The following ADCYAP1 variants were observed in gnomAD, a reference collection of about 807,000 sequenced individuals.
ADCYAP1 encodes the protein adenylate cyclase activating polypeptide 1.
Under a neutral mutation model 18.5 loss-of-function variants are expected in ADCYAP1, and 6 were observed. That is an observed-to-expected ratio of 0.32 (90% CI 0.18 to 0.64). The LOEUF (loss-of-function observed/expected upper bound fraction) is 0.64, where lower values mean the gene tolerates loss of function less well. Among genes scored for constraint, ADCYAP1 ranks in the 30% least tolerant of loss-of-function variants. ADCYAP1 has a pLI of 0.77. For synonymous variants in ADCYAP1, 136 were observed against 113.9 expected, an observed-to-expected ratio of 1.19 and a Z score of -1.24; for missense variants, 314 against 253.6, an observed-to-expected ratio of 1.24 and a Z score of -1.62.
At chr18:905,096 C>T (rs965100763) in intron 1 of ADCYAP1, 36 bp downstream of exon 1, 1 of 1,330,892 alleles carries the variant, frequency 7.5e-7, no homozygotes, top group Non-Finnish European at 9.7e-7. Context: ...GCGACCGGCT[C>T]ACTCGACTGC....
rs933488080 is a variant in ADCYAP1 at position 904,903 on chromosome 18, C to G, written c.-159C>G. On this transcript the variant is annotated 5_prime_UTR_variant, in exon 1 of 5. Coordinates refer to ENST00000450565, the MANE Select transcript of ADCYAP1 (RefSeq NM_001099733.2). ...GAGCCTCGGCAAACGAGTCCCGCAG[C>G]TCCTCCTGCTGCTCCCGCTGGTTCC... is the stretch of plus-strand genomic sequence containing the variant. The G allele has an allele frequency of 1.9e-5, 25 of 1,289,290 alleles. No individual in the cohort carries two copies. Among genetic ancestry groups the G allele is most frequent in the Admixed American group, 1.8e-4 (8 of 43,580 alleles). 79.9% of individuals were successfully genotyped at this position (1,289,290 alleles called of 1,614,324 possible).
At chr18:905,175 G>T in intron 1 of ADCYAP1, 115 bp downstream of exon 1, 1 of 1,411,458 alleles carries the variant, frequency 7.1e-7, no homozygotes, top group Non-Finnish European at 9.2e-7. Flanking sequence ...TAGTTATTGG[G>T]CGCCGGGTAG....
intron 4 of ADCYAP1, 130 bp from the exon 5 acceptor site, chr18:909,316 C>T (rs2143125329): frequency 1.2e-6 from 1 of 850,868 alleles, no homozygotes; most frequent in Non-Finnish European, 1.7e-6. Flanking sequence ...AGGCGGGCGA[C>T]GCGGTGGGCA....
At chr18:905,818 G>T in intron 2 of ADCYAP1, 1 of 412,474 alleles carries the variant, frequency 2.4e-6, no homozygotes, top group East Asian at 4.4e-5. Context: ...CCCCTAGCTT[G>T]GTTTCTTTTA....
intron 4 of ADCYAP1, among the ~76,000 whole-genome samples, chr18:908,649 T>C (rs1282836701): frequency 6.6e-6 from 1 of 152,188 alleles, no homozygotes; most frequent in Non-Finnish European, 1.5e-5. Context: ...TCCAAAACCT[T>C]CAGGCTTCCA....
chr18:907,406 A>T, intron 2 of ADCYAP1: 1 of 398,816 alleles, frequency 2.5e-6, no homozygotes, highest in South Asian at 4.4e-5. Context: ...GCGCTTGTTG[A>T]GGCCGTGGCC....
At chr18:908,217 T>G in intron 3 of ADCYAP1, 48 bp from the exon 4 acceptor site, 1 of 1,547,000 alleles carries the variant, frequency 6.5e-7, no homozygotes, top group South Asian at 1.2e-5. Context: ...AGCGGCCACC[T>G]GGGGACAGAA....
At chr18:907,873 C>T in intron 3 of ADCYAP1, 83 bp downstream of exon 3, 3 of 1,307,254 alleles carry the variant, frequency 2.3e-6, no homozygotes, top group Non-Finnish European at 1.9e-6. Flanking sequence ...GTGACCCACC[C>T]AGGATTTTTT....
In ADCYAP1 at chr18:905,400, G is replaced by T; in HGVS notation, c.14G>T (p.Ser5Ile). The change falls in exon 2 of 5, where the codon AGC becomes ATC. Residue 5 changes from serine to isoleucine, a missense_variant. Coordinates refer to ENST00000450565, the MANE Select transcript of ADCYAP1 (RefSeq NM_001099733.2). ...ATCCTGCGCAGAATGACCATGTGTA[G>T]CGGAGCGAGGCTGGCCCTGCTGGTC... MTMC[S>I]GARLALLVYG... 1 of 1,613,108 alleles carries T rather than the reference G, an allele frequency of 6.2e-7. No homozygotes were observed.
At chr18:905,567 T>A (rs576246004) in intron 2 of ADCYAP1, 71 bp downstream of exon 2, 72 of 1,551,216 alleles carry the variant, frequency 4.6e-5, no homozygotes, top group Non-Finnish European at 1.1e-5. Flanking sequence ...CACGGTCTCC[T>A]TCCTGCAGTC....
intron 2 of ADCYAP1, chr18:906,381 C>G (rs1163200455): frequency 2.0e-5 from 3 of 152,432 alleles, no homozygotes; most frequent in African/African-American, 7.2e-5. Context: ...CCTGGGGCAG[C>G]GAGGAGCGCG....
chr18:908,351 C>A lies in ADCYAP1; in HGVS notation c.329C>A (p.Ala110Asp). 1 of 1,613,002 alleles carries A rather than the reference C, an allele frequency of 6.2e-7. No individual in the cohort carries two copies. The highest frequency in any genetic ancestry group is 8.5e-7 in the Non-Finnish European group (1 of 1,179,560). Residue 110 changes from alanine to aspartate, a missense_variant, in exon 4 of 5, where the codon GCC becomes GAC. By Grantham distance (126) the Ala-to-Asp change is moderately radical. Coordinates refer to ENST00000450565, the MANE Select transcript of ADCYAP1 (RefSeq NM_001099733.2). ...SAGKHLQSLVARGVGGSLGGG... is the reference protein window; with the variant it reads ...SAGKHLQSLVDRGVGGSLGGG... Reference sequence around the variant, plus strand: ...GGGAAGCACCTGCAGTCGCTCGTGGCCCGGGGCGTGGGGTAAGAGTTTGTG... The same window carrying A: ...GGGAAGCACCTGCAGTCGCTCGTGGACCGGGGCGTGGGGTAAGAGTTTGTG...
In ADCYAP1 at chr18:904,934, C is replaced by CT; in HGVS notation, c.-126dup. The CT allele has an allele frequency of 7.7e-7, 1 of 1,290,376 alleles. No homozygotes were observed. 79.9% of individuals were successfully genotyped at this position (1,290,376 alleles called of 1,614,324 possible). Reference sequence around the variant, plus strand: ...CTGCTGCTCCCGCTGGTTCCTGCGGCTTCTGCTCAGACACCAACGCCAGAC... The same window carrying CT: ...CTGCTGCTCCCGCTGGTTCCTGCGGCTTTCTGCTCAGACACCAACGCCAGAC... On this transcript the variant is annotated 5_prime_UTR_variant, in exon 1 of 5. Coordinates refer to ENST00000450565, the MANE Select transcript of ADCYAP1 (RefSeq NM_001099733.2).
chr18:904,658 G>T, upstream of ADCYAP1: 1 of 1,224,920 alleles, frequency 8.2e-7, no homozygotes, highest in Non-Finnish European at 1.0e-6. Flanking sequence ...CGGGCTAGCC[G>T]CCCGCCCTCT....
chr18:907,506 C>G (rs1371335501), intron 2 of ADCYAP1, 153 bp from the exon 3 acceptor site: 1 of 822,372 alleles, frequency 1.2e-6, no homozygotes, highest in Non-Finnish European at 1.8e-6. Flanking sequence ...CTCCTTACCT[C>G]TGCTCCCACC....
intron 4 of ADCYAP1, among the ~76,000 whole-genome samples, chr18:909,187 G>A (rs115057015): frequency 0.017 from 2,578 of 152,336 alleles, 81 homozygotes; most frequent in African/African-American, 0.059. Flanking sequence ...AGCGCGCGTC[G>A]CCTGCCCGGA....
intron 3 of ADCYAP1, 197 bp downstream of exon 3, chr18:907,987 C>A: frequency 9.4e-7 from 1 of 1,063,342 alleles, no homozygotes; most frequent in Non-Finnish European, 1.3e-6. Flanking sequence ...CTGAGGGCCG[C>A]GTGGGGACCG....
At chr18:908,242 C>A (rs755964964) in intron 3 of ADCYAP1, 23 bp from the exon 4 acceptor site, 2 of 1,596,032 alleles carry the variant, frequency 1.3e-6, no homozygotes, top group Non-Finnish European at 8.6e-7. Flanking sequence ...TGACCCTGGG[C>A]GCGCACTTTG....
Position 909,600 on chromosome 18 carries a change from G to GTTAAAAACAAAGGT in ADCYAP1, c.509_510insTTTAAAAACAAAGG (p.Arg171LeufsTer8). On this transcript the variant is annotated frameshift_variant, in exon 5 of 5. Transcript: ENST00000450565. LOFTEE classifies it high-confidence loss of function. ...CCTAGGGAAGAGGTATAAACAAAGG[G>GTTAAAAACAAAGGT]TTAAAAACAAAGGACGCCGAATAGC... 6.2e-7 allele frequency: 1 copy of GTTAAAAACAAAGGT among 1,613,892 alleles called. No homozygotes were observed. Among genetic ancestry groups the GTTAAAAACAAAGGT allele is most frequent in the Non-Finnish European group, 8.5e-7 (1 of 1,179,880 alleles).
Sources: allele counts gnomAD v4.1 joint callset (sites outside exome capture counted in the v4.1 genomes callset), GRCh38; gene constraint gnomAD v4.1.1; transcripts MANE v1.5; gene names NCBI Gene and HGNC (gene_info 2026-07-23, HGNC 2026-07-21).